PPP1R21: variants seen among roughly 807,000 people sequenced by gnomAD.
The protein encoded by PPP1R21 is KLRAQ motif containing 1.
Under a neutral mutation model 112.8 loss-of-function variants are expected in PPP1R21, and 85 were observed. The observed-to-expected ratio is 0.75, with a 90% CI of 0.63 to 0.90. PPP1R21 has a LOEUF of 0.90. Among genes scored for constraint, PPP1R21 ranks in the 40% least tolerant of loss-of-function variants. PPP1R21 has a pLI of 0.00. For synonymous variants in PPP1R21, 381 were observed against 322.3 expected, an observed-to-expected ratio of 1.18 and a Z score of -1.95; for missense variants, 1,199 against 901.5, an observed-to-expected ratio of 1.33 and a Z score of -4.23.
At chr2:48,454,478 A>G in intron 2 of PPP1R21, 117 bp from the exon 3 acceptor site, 1 of 1,291,462 alleles carries the variant, frequency 7.7e-7, no homozygotes, top group South Asian at 1.3e-5. Context: ...ATACAACCTG[A>G]ATTTCCTAAA....
At chr2:48,504,057 G>C (rs1022650820) in intron 17 of PPP1R21, among the ~76,000 whole-genome samples, 1 of 152,054 alleles carries the variant, frequency 6.6e-6, no homozygotes. Flanking sequence ...AAGGGGGTGA[G>C]GATGAGCAGG....
Position 48,446,171 on chromosome 2 carries a change from C to A in PPP1R21, c.58-4837C>A, listed in dbSNP as rs528564097. ...CTAACACAAGATTGTTGAGGATTAG[C>A]TGAGAAAATGCATATGAATGATTCA... On this transcript the variant is annotated intron_variant, in intron 1 of 21. Coordinates refer to ENST00000294952, the MANE Select transcript of PPP1R21 (RefSeq NM_001135629.3). Among the ~76,000 whole-genome samples the A allele has an allele frequency of 8.1e-4, 124 of 152,330 alleles. 1 individual carries two copies. The highest frequency in any genetic ancestry group is 2.9e-3 in the African/African-American group (121 of 41,584).
chr2:48,493,325 G>A (rs1034450804), intron 15 of PPP1R21, among the ~76,000 whole-genome samples: 8 of 152,072 alleles, frequency 5.3e-5, no homozygotes, highest in African/African-American at 1.9e-4. Flanking sequence ...TTAAATAAAT[G>A]TTTCTAATTA....
intron 13 of PPP1R21, among the ~76,000 whole-genome samples, chr2:48,481,366 G>T (rs1306247514): frequency 6.6e-6 from 1 of 152,244 alleles, no homozygotes; most frequent in Non-Finnish European, 1.5e-5. Flanking sequence ...TGGATAGGCA[G>T]TATGGGTGGC....
At chr2:48,470,651 A>T (rs1391876766) in intron 9 of PPP1R21, among the ~76,000 whole-genome samples, 1 of 152,202 alleles carries the variant, frequency 6.6e-6, no homozygotes, top group African/African-American at 2.4e-5. Context: ...TTGGGTATAT[A>T]ACACAAAAAT....
intron 19 of PPP1R21, 145 bp downstream of exon 19, chr2:48,507,530 G>C: frequency 7.8e-7 from 1 of 1,276,728 alleles, no homozygotes; most frequent in Non-Finnish European, 1.0e-6. Context: ...ACCACGCCCA[G>C]CTAATTTTTT....
At chr2:48,452,112 G>A (rs748516762) in intron 2 of PPP1R21, among the ~76,000 whole-genome samples, 2 of 152,156 alleles carry the variant, frequency 1.3e-5, no homozygotes, top group Non-Finnish European at 2.9e-5. Flanking sequence ...CACCAAAATT[G>A]TTGAAAAAAT....
chr2:48,500,776 GC>G (rs1670075408), intron 17 of PPP1R21, among the ~76,000 whole-genome samples: 1 of 152,082 alleles, frequency 6.6e-6, no homozygotes, highest in African/African-American at 2.4e-5. Flanking sequence ...AGGCGTGGCG[GC>G]CTGCGCCTGT....
intron 1 of PPP1R21, among the ~76,000 whole-genome samples, chr2:48,449,210 A>G (rs1471259618): frequency 6.6e-6 from 1 of 152,192 alleles, no homozygotes; most frequent in Non-Finnish European, 1.5e-5. Context: ...GTCATTTTGA[A>G]TCTGTTCTAA....
At chr2:48,506,944 CAAAAA>C (rs11314362) in intron 18 of PPP1R21, among the ~76,000 whole-genome samples, 10 of 96,458 alleles carry the variant, frequency 1.0e-4, no homozygotes, top group African/African-American at 2.4e-4. Context: ...GACTCTGCCT[CAAAAA>C]AAAAAAAAAA....
chr2:48,455,794 C>G lies in PPP1R21; in HGVS notation c.273+1053C>G, dbSNP rs1385519568. Among the ~76,000 whole-genome samples the G allele has an allele frequency of 1.2e-4, 18 of 152,084 alleles. No homozygotes were observed. In the South Asian group the frequency reaches 3.3e-3, roughly 28 times the overall value. On this transcript the variant is annotated intron_variant, in intron 3 of 21. Transcript: ENST00000294952. The stretch of plus-strand genomic sequence containing the variant: ...CTTTGGGAGGCTGAGGCGGGCAGAT[C>G]ACGAGGTCAGGAGATTGAGACCATC...
chr2:48,441,413 C>T (rs541683113), intron 1 of PPP1R21: 1 of 291,904 alleles, frequency 3.4e-6, no homozygotes, highest in Admixed American at 6.0e-5. Context: ...CTTCTCCCCT[C>T]CCACAGGGAT....
chr2:48,448,813 G>GT (rs1204882091), intron 1 of PPP1R21, among the ~76,000 whole-genome samples: 1 of 152,186 alleles, frequency 6.6e-6, no homozygotes, highest in African/African-American at 2.4e-5. Context: ...ACCAAGCTCT[G>GT]TAAGAGGCCA....
At chr2:48,457,042 A>G (rs1667759175) in intron 3 of PPP1R21, among the ~76,000 whole-genome samples, 1 of 147,318 alleles carries the variant, frequency 6.8e-6, no homozygotes, top group Non-Finnish European at 1.5e-5. Flanking sequence ...ACAGAGTGAG[A>G]CTCCCTCTCA....
At chr2:48,468,857 G>GTGTGTGTGTA (rs1474911893) in intron 9 of PPP1R21, among the ~76,000 whole-genome samples, 2 of 147,814 alleles carry the variant, frequency 1.4e-5, no homozygotes, top group African/African-American at 5.1e-5. Context: ...GTGTGTGTGT[G>GTGTGTGTGTA]TATGTATATA....
At chr2:48,483,150 C>T (rs1325465953) in intron 13 of PPP1R21, among the ~76,000 whole-genome samples, 26 of 147,774 alleles carry the variant, frequency 1.8e-4, no homozygotes, top group Admixed American at 2.7e-4. Context: ...TGTTCTATGA[C>T]GTATACGTAC....
intron 21 of PPP1R21, among the ~76,000 whole-genome samples, chr2:48,514,482 G>A (rs1384119952): frequency 1.3e-5 from 2 of 152,038 alleles, no homozygotes; most frequent in African/African-American, 4.8e-5. Context: ...TTTATTTCCT[G>A]TCCTCAGCCC....
rs1469127025 is a variant in PPP1R21 at position 48,474,280 on chromosome 2, G to T, written c.1089-403G>T. On this transcript the variant is annotated intron_variant, in intron 11 of 21. Transcript: ENST00000294952. Reference sequence around the variant, plus strand: ...TGCCTGTAATCCCAGCAACTCAGGAGGCTGAGGCACGAGAATGGCTTGAAC... The same window carrying T: ...TGCCTGTAATCCCAGCAACTCAGGATGCTGAGGCACGAGAATGGCTTGAAC... 3.3e-5 allele frequency among the ~76,000 whole-genome samples: 5 copies of T among 152,264 alleles called. No homozygotes were observed. In the East Asian group the frequency reaches 7.7e-4, roughly 24 times the overall value.
intron 17 of PPP1R21, among the ~76,000 whole-genome samples, chr2:48,504,492 T>C (rs1670280310): frequency 6.6e-6 from 1 of 151,954 alleles, no homozygotes; most frequent in Non-Finnish European, 1.5e-5. Context: ...ATACAAAAAA[T>C]TAGCTGGGCG....
Sources: allele counts gnomAD v4.1 joint callset (sites outside exome capture counted in the v4.1 genomes callset), GRCh38; gene constraint gnomAD v4.1.1; transcripts MANE v1.5; gene names NCBI Gene and HGNC (gene_info 2026-07-23, HGNC 2026-07-21).